Variants in CNTNAP5 observed in about 807,000 individuals in gnomAD.
The protein encoded by CNTNAP5 is contactin-associated protein-like 5.
Under a neutral mutation model 150.2 loss-of-function variants are expected in CNTNAP5, and 72 were observed. That is an observed-to-expected ratio of 0.48 (90% CI 0.40 to 0.58). The LOEUF (loss-of-function observed/expected upper bound fraction) is 0.58. Ranked by LOEUF, CNTNAP5 falls within the 20% of genes least tolerant of loss-of-function variation. CNTNAP5 has a pLI of 0.00. For synonymous variants in CNTNAP5, 672 were observed against 619.8 expected (o/e 1.08, Z -1.25); for missense variants, 1,636 against 1,626.2 (o/e 1.01, Z -0.10).
At chr2:124,312,099 T>C (rs947916428) in intron 3 of CNTNAP5, among the ~76,000 whole-genome samples, 1 of 152,150 alleles carries the variant, frequency 6.6e-6, no homozygotes. Context: ...AGAAGCTGAA[T>C]GGAAGTAGGT....
intron 1 of CNTNAP5, among the ~76,000 whole-genome samples, chr2:124,164,432 A>G (rs1318242978): frequency 6.6e-6 from 1 of 152,218 alleles, no homozygotes; most frequent in Non-Finnish European, 1.5e-5. Context: ...TGACAAAGAG[A>G]GAAATAAACC....
intron 21 of CNTNAP5, among the ~76,000 whole-genome samples, chr2:124,876,544 A>G (rs1975728): frequency 1.3e-5 from 2 of 151,956 alleles, no homozygotes; most frequent in East Asian, 3.9e-4. Flanking sequence ...GTGTGCATCA[A>G]CAGTTCAAAT....
Position 124,359,270 on chromosome 2 carries a change from G to A in CNTNAP5, c.382-58173G>A, listed in dbSNP as rs745996417. On this transcript the variant is annotated intron_variant, in intron 3 of 23. Transcript: ENST00000682447. ...CAAAAAACCAGCTCCTGGATTCATT[G>A]ATTTTTTGAAGGGTTTTTTGTGTCT... 1.3e-3 allele frequency among the ~76,000 whole-genome samples: 193 copies of A among 150,798 alleles called. 2 individuals carry two copies. The highest frequency in any genetic ancestry group is 2.1e-3 in the Non-Finnish European group (141 of 67,438).
At chr2:124,569,060 T>A (rs2421090) in intron 11 of CNTNAP5, among the ~76,000 whole-genome samples, 56,536 of 151,594 alleles carry the variant, frequency 0.37, 11,327 homozygotes, top group African/African-American at 0.49. Context: ...AAGAAAAAAA[T>A]ATATATATAT....
At chr2:124,592,506 A>G (rs919586256) in intron 11 of CNTNAP5, among the ~76,000 whole-genome samples, 4 of 149,798 alleles carry the variant, frequency 2.7e-5, no homozygotes, top group East Asian at 2.0e-4. Context: ...AAATAAATCT[A>G]CAACACATAA....
chr2:124,875,914 C>G (rs1274446113), intron 21 of CNTNAP5, among the ~76,000 whole-genome samples: 1 of 151,890 alleles, frequency 6.6e-6, no homozygotes, highest in East Asian at 1.9e-4. Context: ...AAAGAGAAAA[C>G]AATAGTTGGT....
At chr2:124,784,928 G>A (rs1681531061) in intron 17 of CNTNAP5, among the ~76,000 whole-genome samples, 1 of 151,226 alleles carries the variant, frequency 6.6e-6, no homozygotes, top group Admixed American at 6.6e-5. Context: ...ACAATTTAAT[G>A]AGTTTAGTAT....
At chr2:124,892,836 T>C (rs908355446) in intron 21 of CNTNAP5, among the ~76,000 whole-genome samples, 1 of 152,086 alleles carries the variant, frequency 6.6e-6, no homozygotes, top group East Asian at 1.9e-4. Context: ...ATCCCAGAAA[T>C]ATGTTTTTTC....
At chr2:124,360,892 C>T (rs1451291801) in intron 3 of CNTNAP5, among the ~76,000 whole-genome samples, 2 of 143,748 alleles carry the variant, frequency 1.4e-5, no homozygotes, top group African/African-American at 2.6e-5. Flanking sequence ...TGGATAATAT[C>T]CTGCAGAGTG....
At chr2:124,257,774 A>C (rs1166545217) in intron 3 of CNTNAP5, among the ~76,000 whole-genome samples, 1 of 151,478 alleles carries the variant, frequency 6.6e-6, no homozygotes, top group Non-Finnish European at 1.5e-5. Flanking sequence ...CTTGTCCATG[A>C]AACTGGATAG....
intron 7 of CNTNAP5, among the ~76,000 whole-genome samples, chr2:124,487,613 T>C (rs1314417915): frequency 6.6e-6 from 1 of 151,980 alleles, no homozygotes; most frequent in African/African-American, 2.4e-5. Context: ...TAGAGGATTA[T>C]ATGTGCCCAT....
chr2:124,552,289 C>G (rs1355967235), intron 10 of CNTNAP5, among the ~76,000 whole-genome samples: 1 of 152,152 alleles, frequency 6.6e-6, no homozygotes, highest in Non-Finnish European at 1.5e-5. Context: ...CGCTGAGTCT[C>G]AGGAGCTTCA....
chr2:124,394,173 A>T (rs974842498), intron 3 of CNTNAP5, among the ~76,000 whole-genome samples: 1 of 151,978 alleles, frequency 6.6e-6, no homozygotes, highest in Admixed American at 6.6e-5. Flanking sequence ...GGAGTTCAAG[A>T]CTAGCCTGGC....
chr2:124,532,495 G>A (rs1452652257), intron 10 of CNTNAP5, among the ~76,000 whole-genome samples: 2 of 152,130 alleles, frequency 1.3e-5, no homozygotes, highest in Non-Finnish European at 2.9e-5. Flanking sequence ...AGACAGATTA[G>A]CAAATGCTGT....
chr2:124,045,499 T>C (rs1442544156), intron 1 of CNTNAP5, among the ~76,000 whole-genome samples: 1 of 151,828 alleles, frequency 6.6e-6, no homozygotes. Flanking sequence ...GGACTCACCA[T>C]GTTGGTCAGG....
chr2:124,384,882 C>A (rs746150768), intron 3 of CNTNAP5, among the ~76,000 whole-genome samples: 7 of 152,156 alleles, frequency 4.6e-5, no homozygotes, highest in Non-Finnish European at 8.8e-5. Context: ...CTGTGCCTAC[C>A]TTTCCCATCC....
intron 1 of CNTNAP5, among the ~76,000 whole-genome samples, chr2:124,198,133 T>G (rs1035886864): frequency 2.0e-5 from 3 of 152,010 alleles, no homozygotes; most frequent in African/African-American, 7.2e-5. Flanking sequence ...ACTTTAATTT[T>G]TATCTGTCTA....
At position 124,211,803 on chromosome 2, in the gene CNTNAP5, G is replaced by A. The variant is rs895162249; in HGVS notation, c.83-9902G>A. Among the ~76,000 whole-genome samples the A allele has an allele frequency of 2.6e-5, 4 of 152,088 alleles. 1 individual carries two copies. Among genetic ancestry groups the A allele is most frequent in the South Asian group, 4.1e-4 (2 of 4,830 alleles). Reference sequence around the variant, plus strand: ...GCAGAATGAGAATACAGAGATGTTCGTTTTATTTTAGAATCATTATGCCTA... The same window carrying A: ...GCAGAATGAGAATACAGAGATGTTCATTTTATTTTAGAATCATTATGCCTA... On this transcript the variant is annotated intron_variant, in intron 1 of 23. Transcript: ENST00000682447.
chr2:124,346,580 A>G (rs757165726), intron 3 of CNTNAP5, among the ~76,000 whole-genome samples: 3 of 152,174 alleles, frequency 2.0e-5, no homozygotes, highest in Non-Finnish European at 4.4e-5. Flanking sequence ...TAAAAAATCA[A>G]CTACCAATGC....
Sources: gnomAD v4.1 joint callset for allele counts (sites outside exome capture counted in the v4.1 genomes callset) on GRCh38, gnomAD v4.1.1 for gene constraint, MANE v1.5 for transcripts, NCBI Gene and HGNC (gene_info 2026-07-23, HGNC 2026-07-21) for gene names.